SYNE1: variants seen among roughly 807,000 people sequenced by gnomAD.
SYNE1 encodes the protein spectrin repeat containing nuclear envelope protein 1.
A neutral mutation model predicts 1,111.0 loss-of-function variants in SYNE1; 616 were observed. The observed-to-expected ratio is 0.55, with a 90% CI of 0.52 to 0.59. The LOEUF is 0.59. Ranked by LOEUF, SYNE1 falls within the 20% of genes least tolerant of loss-of-function variation. The pLI, the probability that SYNE1 is intolerant of heterozygous loss-of-function variation, is 0.00. For synonymous variants in SYNE1, 3,855 were observed against 3,825.8 expected, an observed-to-expected ratio of 1.01 and a Z score of -0.28; for missense variants, 10,006 against 10,417.0, an observed-to-expected ratio of 0.96 and a Z score of 1.72.
chr6:152,577,825 A>G (rs2099504695), intron 3 of SYNE1, among the ~76,000 whole-genome samples: 1 of 151,948 alleles, frequency 6.6e-6, no homozygotes, highest in African/African-American at 2.4e-5. Context: ...CCAATAAAAT[A>G]ATTTACTTAT....
chr6:152,125,151 A>G, intron 145 of SYNE1: 1 of 1,249,536 alleles, frequency 8.0e-7, no homozygotes, highest in South Asian at 1.6e-5. Context: ...GAAGAGGCCT[A>G]GCAGGGACTC....
chr6:152,509,068 G>T (rs1273097536), intron 8 of SYNE1, among the ~76,000 whole-genome samples: 2 of 151,724 alleles, frequency 1.3e-5, no homozygotes, highest in Non-Finnish European at 2.9e-5. Context: ...TGCAAAACAA[G>T]ATAAAAAATG....
chr6:152,263,766 G>A (rs980618506), intron 100 of SYNE1, among the ~76,000 whole-genome samples: 2 of 151,774 alleles, frequency 1.3e-5, no homozygotes, highest in Non-Finnish European at 2.9e-5. Flanking sequence ...CTGTGACACT[G>A]GGGTAATTTG....
rs2059890141 is a variant in SYNE1 at position 152,148,539 on chromosome 6, TTGAC to T, written c.24643-165_24643-162del. 6.6e-6 allele frequency among the ~76,000 whole-genome samples: 1 copy of T among 152,192 alleles called. No homozygotes were observed. The highest frequency in any genetic ancestry group is 1.5e-5 in the Non-Finnish European group (1 of 68,022). On this transcript the variant is annotated intron_variant, in intron 136 of 145. Transcript: ENST00000367255. This position sits in a 1 kb window ranked among gnomAD's most constrained non-coding sequence, Gnocchi z 4.1. Reference sequence around the variant, plus strand: ...ACAGGGGACAGTGCTGCTCTAGAGTTTGACTGTCTGGGTTGAAATCTCAGTTACG... The same window carrying T: ...ACAGGGGACAGTGCTGCTCTAGAGTTTGTCTGGGTTGAAATCTCAGTTACG...
rs780588141 is a variant in SYNE1 at position 152,488,435 on chromosome 6, T to C, written c.1008A>G (p.Arg336=). Residue 336 remains arginine (R), a synonymous_variant, in exon 12 of 146, where the codon AGA becomes AGG. Transcript: ENST00000367255. ...GTAAATTTGATTCCACCATCTGTGCTCTTGTCAAATCTCTCTCAAATTGTT... is the reference window on the plus strand; with the variant it reads ...GTAAATTTGATTCCACCATCTGTGCCCTTGTCAAATCTCTCTCAAATTGTT... ...WIEQFERDLT[R]AQMVESNLQD... 1.2e-6 allele frequency: 2 copies of C among 1,609,390 alleles called. No homozygotes were observed. Among genetic ancestry groups the C allele is most frequent in the Non-Finnish European group, 1.7e-6 (2 of 1,176,900 alleles).
intron 3 of SYNE1, among the ~76,000 whole-genome samples, chr6:152,593,451 G>A (rs1369948195): frequency 1.3e-5 from 2 of 152,046 alleles, no homozygotes; most frequent in East Asian, 1.9e-4. Context: ...GTGTGGTGAC[G>A]GGTGCCTGTA....
In SYNE1 at chr6:152,135,159, G is replaced by A; in HGVS notation, c.25733C>T (p.Pro8578Leu). Residue 8578 changes from proline (P) to leucine (L), a missense_variant, in exon 142 of 146, where the codon CCT becomes CTT. Physicochemically the swap from Pro to Leu is moderately conservative, Grantham distance 98. Around this residue, in one of 7 missense-constraint regions of SYNE1, gnomAD observed 761 missense variants for 795.5 expected, o/e 0.96. Coordinates refer to ENST00000367255, the MANE Select transcript of SYNE1 (RefSeq NM_182961.4). The stretch of plus-strand genomic sequence containing the variant: ...CTCTGCATCAAGGTTAGAATCAATA[G>A]GGACAATTTCATTTTTCCTTCTGTC... ...NIDRRKNEIVPIDSNLDAEIL... is the reference protein window; with the variant it reads ...NIDRRKNEIVLIDSNLDAEIL... The A allele has an allele frequency of 6.2e-7, 1 of 1,614,054 alleles. No individual in the cohort carries two copies. Among genetic ancestry groups the A allele is most frequent in the Non-Finnish European group, 8.5e-7 (1 of 1,180,004 alleles).
intron 142 of SYNE1, chr6:152,133,826 A>G (rs573297761): frequency 1.0e-3 from 302 of 293,982 alleles, no homozygotes; most frequent in Non-Finnish European, 1.7e-3. Flanking sequence ...TTTTAAACAG[A>G]AAAGCACAAC....
At chr6:152,382,991 G>A (rs983264777) in intron 55 of SYNE1, among the ~76,000 whole-genome samples, 1 of 152,092 alleles carries the variant, frequency 6.6e-6, no homozygotes, top group African/African-American at 2.4e-5. Flanking sequence ...TATACATTTT[G>A]CTTTAGAGTT....
chr6:152,580,554 T>G (rs1365728351), intron 3 of SYNE1, among the ~76,000 whole-genome samples: 2 of 152,214 alleles, frequency 1.3e-5, no homozygotes, highest in African/African-American at 4.8e-5. Flanking sequence ...TTGTTGCAAT[T>G]GCGTTTGGAG....
intron 112 of SYNE1, among the ~76,000 whole-genome samples, chr6:152,232,925 C>A (rs2083114650): frequency 6.6e-6 from 1 of 152,292 alleles, no homozygotes; most frequent in South Asian, 2.1e-4. Flanking sequence ...TTGGTTCCTG[C>A]CCTCTGGGGG....
rs1408778584 is a variant in SYNE1, at chr6:152,461,687, C to A, written c.2304G>T (p.Lys768Asn). ...VMDAQYKIIT[K>N]TAHLITKESP... Reference sequence around the variant, plus strand: ...TTTCTTTGGTAATGAGGTGTGCTGTCTTTGTAATTATCTTGTATTGGGCAT... The same window carrying A: ...TTTCTTTGGTAATGAGGTGTGCTGTATTTGTAATTATCTTGTATTGGGCAT... Residue 768 changes from lysine to asparagine, a missense_variant, in exon 21 of 146, where the codon AAG becomes AAT. Physicochemically the swap from Lys to Asn is moderately conservative, Grantham distance 94. Transcript: ENST00000367255. The A allele has an allele frequency of 6.2e-7, 1 of 1,613,938 alleles. No individual in the cohort carries two copies. The highest frequency in any genetic ancestry group is 2.2e-5 in the East Asian group (1 of 44,868).
chr6:152,572,576 G>A (rs145724103), intron 3 of SYNE1, among the ~76,000 whole-genome samples: 46 of 152,210 alleles, frequency 3.0e-4, no homozygotes, highest in Middle Eastern at 6.8e-3. Flanking sequence ...CCCGCCCAAC[G>A]TCACAAAACC....
In SYNE1 at chr6:152,376,544, G is replaced by A; in HGVS notation, c.9161C>T (p.Ala3054Val). 1 of 1,614,018 alleles carries A rather than the reference G, an allele frequency of 6.2e-7. No homozygotes were observed. Residue 3054 changes from alanine (A) to valine (V), a missense_variant, in exon 58 of 146, where the codon GCA becomes GTA. By Grantham distance (64) the Ala-to-Val change is moderately conservative (BLOSUM62 0). Transcript: ENST00000367255. ...TTCTTTATTCTGGCAGCCCTTGGAT[G>A]CTTGCAAACAAAGACTGAAAAGGTG... ...IKEYNCLCLQ[A>V]SKGCQNKEQI...
At chr6:152,617,973 A>G (rs2099664296) in intron 3 of SYNE1, among the ~76,000 whole-genome samples, 1 of 152,176 alleles carries the variant, frequency 6.6e-6, no homozygotes, top group Non-Finnish European at 1.5e-5. Context: ...AAGGAAGGTT[A>G]ATCGAAGTCA....
At chr6:152,579,428 G>A (rs1479995590) in intron 3 of SYNE1, among the ~76,000 whole-genome samples, 1 of 152,246 alleles carries the variant, frequency 6.6e-6, no homozygotes, top group Non-Finnish European at 1.5e-5. Flanking sequence ...CCACAGGCCT[G>A]AATCAACTGC....
chr6:152,181,698 T>C (rs1027058059), intron 128 of SYNE1, among the ~76,000 whole-genome samples: 9 of 152,238 alleles, frequency 5.9e-5, no homozygotes, highest in Non-Finnish European at 1.2e-4. Context: ...ATTGCATTTA[T>C]CAACTCATCT....
chr6:152,465,131 T>C (rs1169462467), intron 18 of SYNE1, 127 bp downstream of exon 18: 1 of 1,072,520 alleles, frequency 9.3e-7, no homozygotes, highest in Non-Finnish European at 1.4e-6. Flanking sequence ...GTGCAACTTT[T>C]CAGGCAAAGT....
In SYNE1 at chr6:152,326,327, C is replaced by T; in HGVS notation, c.15262G>A (p.Asp5088Asn). Reference sequence around the variant, plus strand: ...AAGAGATCCACTTGGGCACCAGAGTCCCGGCTCATCCTCTGGCTCCTGAGT... The same window carrying T: ...AAGAGATCCACTTGGGCACCAGAGTTCCGGCTCATCCTCTGGCTCCTGAGT... Reference protein sequence around the residue: ...LELRSQRMSRDSGAQVDLLQR... With the variant: ...LELRSQRMSRNSGAQVDLLQR... Residue 5088 changes from aspartate to asparagine, a missense_variant, in exon 79 of 146, where the codon GAC becomes AAC. Transcript: ENST00000367255. 6.2e-7 allele frequency: 1 copy of T among 1,614,118 alleles called. No homozygotes were observed. Among genetic ancestry groups the T allele is most frequent in the Non-Finnish European group, 8.5e-7 (1 of 1,180,014 alleles).
Sources: gnomAD v4.1 joint callset for allele counts (sites outside exome capture counted in the v4.1 genomes callset) on GRCh38, gnomAD v4.1.1 for gene constraint, gnomAD v4.1.1 regional missense constraint, Gnocchi (gnomAD v3.1) non-coding constraint, MANE v1.5 for transcripts, NCBI Gene and HGNC (gene_info 2026-07-23, HGNC 2026-07-21) for gene names.